BMPER: variants seen among roughly 807,000 people sequenced by gnomAD.
BMPER encodes the protein BMP-binding endothelial regulator protein.
A neutral mutation model predicts 87.3 loss-of-function variants in BMPER; 45 were observed. The ratio of observed to expected loss-of-function variants is 0.52; its 90% confidence interval spans 0.41 to 0.66. BMPER has a LOEUF of 0.66. BMPER is among the 30% of genes least tolerant of loss of function. BMPER has a pLI of 0.00. For synonymous variants in BMPER, 326 were observed against 316.2 expected (o/e 1.03, Z -0.33); for missense variants, 784 against 867.5 (o/e 0.90, Z 1.21).
rs1791234188 is a variant in BMPER at position 34,153,380 on chromosome 7, C to T, written c.*107C>T. Reference sequence around the variant, plus strand: ...GTGTGCCCGATTCTGTAAACACACACACACAGAGTATATATGTGTATATAT... The same window carrying T: ...GTGTGCCCGATTCTGTAAACACACATACACAGAGTATATATGTGTATATAT... On this transcript the variant is annotated 3_prime_UTR_variant, in exon 15 of 15. Coordinates refer to ENST00000649409, the MANE Select transcript of BMPER (RefSeq NM_001365308.1). 2 of 1,119,966 alleles carry T rather than the reference C, an allele frequency of 1.8e-6. No homozygotes were observed. Among genetic ancestry groups the T allele is most frequent in the South Asian group, 2.5e-5 (2 of 78,510 alleles). 69.4% of individuals were successfully genotyped at this position (1,119,966 alleles called of 1,614,324 possible).
intron 13 of BMPER, among the ~76,000 whole-genome samples, chr7:34,113,983 T>C (rs143433719): frequency 6.6e-6 from 1 of 152,332 alleles, no homozygotes; most frequent in East Asian, 1.9e-4. Flanking sequence ...TGCCGTCTTC[T>C]CTCTTACTGA....
At chr7:34,142,909 G>T (rs1790910473) in intron 13 of BMPER, among the ~76,000 whole-genome samples, 1 of 152,174 alleles carries the variant, frequency 6.6e-6, no homozygotes, top group Non-Finnish European at 1.5e-5. Context: ...CCTCCATTGT[G>T]GTAGCCACAT....
intron 3 of BMPER, among the ~76,000 whole-genome samples, chr7:33,961,324 G>A (rs1299360796): frequency 1.3e-5 from 2 of 152,140 alleles, no homozygotes; most frequent in Non-Finnish European, 2.9e-5. Flanking sequence ...TCCTACTTTT[G>A]GAAACTCTGA....
At chr7:34,125,050 T>C (rs1790366844) in intron 13 of BMPER, among the ~76,000 whole-genome samples, 2 of 152,180 alleles carry the variant, frequency 1.3e-5, no homozygotes, top group South Asian at 4.1e-4. Context: ...AATATACGGT[T>C]GAATTCTGTT....
At chr7:34,064,282 C>T (rs565406758) in intron 11 of BMPER, among the ~76,000 whole-genome samples, 1,823 of 60,450 alleles carry the variant, frequency 0.03, 25 homozygotes, top group African/African-American at 0.093. Context: ...CAGAGCAAGA[C>T]TCTGTCAAAA....
intron 6 of BMPER, among the ~76,000 whole-genome samples, chr7:34,003,577 A>G (rs1241959915): frequency 1.3e-5 from 2 of 152,034 alleles, no homozygotes; most frequent in African/African-American, 4.8e-5. Context: ...TTCAGCCTAG[A>G]GGAGTCCGTT....
At chr7:33,941,888 A>T (rs755927650) in intron 3 of BMPER, among the ~76,000 whole-genome samples, 17 of 152,116 alleles carry the variant, frequency 1.1e-4, no homozygotes, top group Non-Finnish European at 1.9e-4. Flanking sequence ...GATAGACTGA[A>T]TTCTCCTGTA....
intron 9 of BMPER, among the ~76,000 whole-genome samples, chr7:34,055,553 A>G (rs921542982): frequency 5.9e-5 from 9 of 152,190 alleles, no homozygotes; most frequent in African/African-American, 2.2e-4. Flanking sequence ...TTTTGCTGAA[A>G]TATGTTAAGC....
intron 13 of BMPER, among the ~76,000 whole-genome samples, chr7:34,131,681 C>T (rs572576014): frequency 2.0e-4 from 31 of 152,328 alleles, no homozygotes; most frequent in African/African-American, 7.2e-4. Context: ...TGTGACTCCA[C>T]ACTCCCAATT....
chr7:33,925,263 T>C (rs773376810), intron 2 of BMPER, among the ~76,000 whole-genome samples: 15 of 152,340 alleles, frequency 9.8e-5, no homozygotes, highest in South Asian at 4.1e-4. Flanking sequence ...ACTATTTCTC[T>C]TCCCCAAAAT....
At chr7:34,063,927 C>T (rs967297784) in intron 11 of BMPER, among the ~76,000 whole-genome samples, 6 of 152,238 alleles carry the variant, frequency 3.9e-5, no homozygotes, top group Non-Finnish European at 8.8e-5. Flanking sequence ...TTTGCATGAG[C>T]ACAGACTCAT....
intron 6 of BMPER, among the ~76,000 whole-genome samples, chr7:34,018,648 A>G (rs919837617): frequency 2.0e-5 from 3 of 151,810 alleles, no homozygotes; most frequent in African/African-American, 4.8e-5. Flanking sequence ...GATCCTTTTG[A>G]CATAGGTCTG....
In BMPER at chr7:34,085,843, A is replaced by G. The variant is rs1234575329; in HGVS notation, c.1496A>G (p.Asn499Ser). The G allele has an allele frequency of 6.2e-7, 1 of 1,614,222 alleles. No homozygotes were observed. The highest frequency in any genetic ancestry group is 1.7e-5 in the Admixed American group (1 of 60,024). The part of the protein sequence containing the change: ...LKGKLCGLCG[N>S]YNGHKRDDLI... ...GGCAAGCTCTGTGGTCTTTGTGGCA[A>G]CTACAATGGACATAAACGTGATGAC... Residue 499 changes from asparagine (N) to serine (S), a missense_variant, in exon 13 of 15, where the codon AAC (asparagine) becomes AGC (serine). By Grantham distance (46) the Asn-to-Ser change is conservative (BLOSUM62 1). Coordinates refer to ENST00000649409, the MANE Select transcript of BMPER (RefSeq NM_001365308.1).
rs769991299 is a variant in BMPER, at chr7:33,906,869, T to C, written c.185T>C (p.Ile62Thr). ...NEGEVLQIPF[I>T]TDNPCIMCVC... ...GGTGAAGTCCTCCAGATTCCATTTA[T>C]CACAGACAACCCTTGCATAATGTGT... Residue 62 changes from isoleucine to threonine, a missense_variant, in exon 2 of 15, where the codon ATC (isoleucine) becomes ACC (threonine). Ile to Thr is a moderately conservative substitution (Grantham distance 89, BLOSUM62 -1). Coordinates refer to ENST00000649409, the MANE Select transcript of BMPER (RefSeq NM_001365308.1). 6.2e-7 allele frequency: 1 copy of C among 1,613,942 alleles called. No individual in the cohort carries two copies. The highest frequency in any genetic ancestry group is 1.1e-5 in the South Asian group (1 of 91,072).
At chr7:34,072,436 A>AT (rs71554123) in intron 11 of BMPER, among the ~76,000 whole-genome samples, 34,873 of 145,108 alleles carry the variant, frequency 0.24, 4,093 homozygotes, top group African/African-American at 0.29. Context: ...AAGAGAATCG[A>AT]TTTTTTTTTT....
At chr7:34,118,363 A>G (rs926802126) in intron 13 of BMPER, among the ~76,000 whole-genome samples, 5 of 152,170 alleles carry the variant, frequency 3.3e-5, no homozygotes, top group Admixed American at 3.3e-4. Context: ...TTTAAAAGAA[A>G]GTAGCTCACT....
At chr7:34,044,396 A>G (rs908102867) in intron 6 of BMPER, among the ~76,000 whole-genome samples, 3 of 152,230 alleles carry the variant, frequency 2.0e-5, no homozygotes, top group African/African-American at 7.2e-5. Context: ...TTCTCTGTGC[A>G]CCTACAAGAG....
chr7:34,050,069 G>A (rs1788107236), intron 7 of BMPER, among the ~76,000 whole-genome samples: 2 of 152,128 alleles, frequency 1.3e-5, no homozygotes, highest in Non-Finnish European at 2.9e-5. Context: ...TTTAGGGAAA[G>A]AATGAATTTT....
At chr7:34,016,288 C>T (rs531271988) in intron 6 of BMPER, among the ~76,000 whole-genome samples, 2 of 151,918 alleles carry the variant, frequency 1.3e-5, no homozygotes, top group African/African-American at 2.4e-5. Context: ...ATGAAACAGT[C>T]TTGAGAGAGT....
Sources: allele counts gnomAD v4.1 joint callset (sites outside exome capture counted in the v4.1 genomes callset), GRCh38; gene constraint gnomAD v4.1.1; transcripts MANE v1.5; gene names NCBI Gene and HGNC (gene_info 2026-07-23, HGNC 2026-07-21).